ZNG1A: variants seen among roughly 807,000 people sequenced by gnomAD.
ZNG1A encodes the protein Zn regulated GTPase metalloprotein activator 1A.
At chr9:175,866 T>C in the ZNG1A span, 20 of 1,280,784 alleles carry the variant, frequency 1.6e-5, no homozygotes, top group Non-Finnish European at 2.0e-5. Flanking sequence ...CCTAACGTTT[T>C]TGAGAATTTG....
At chr9:133,940 G>A in the ZNG1A span, among the ~76,000 whole-genome samples, 3 of 138,900 alleles carry the variant, frequency 2.2e-5, no homozygotes, top group South Asian at 2.5e-4. Context: ...GACACTGGCC[G>A]CCCCAAACGC....
At chr9:162,641 C>T in the ZNG1A span, among the ~76,000 whole-genome samples, 7 of 149,726 alleles carry the variant, frequency 4.7e-5, no homozygotes, top group South Asian at 1.1e-3. Context: ...AATTAAATTC[C>T]AGTAATAAGT....
At chr9:177,446 TAA>T in the ZNG1A span, among the ~76,000 whole-genome samples, 1 of 151,306 alleles carries the variant, frequency 6.6e-6, no homozygotes, top group African/African-American at 2.4e-5. Context: ...TCAGACATGT[TAA>T]GTTTTAAGTT....
chr9:173,930 G>A, the ZNG1A span, among the ~76,000 whole-genome samples: 6 of 152,096 alleles, frequency 3.9e-5, no homozygotes, highest in South Asian at 6.2e-4. Context: ...GGCGGATCAC[G>A]AGGTCAGGAG....
chr9:139,475 T>C, the ZNG1A span, among the ~76,000 whole-genome samples: 1 of 151,066 alleles, frequency 6.6e-6, no homozygotes, highest in Admixed American at 6.6e-5. Context: ...AATACTGTAT[T>C]GTACACTTAA....
the ZNG1A span, among the ~76,000 whole-genome samples, chr9:173,979 C>G: frequency 6.6e-6 from 1 of 151,994 alleles, no homozygotes; most frequent in Non-Finnish European, 1.5e-5. Flanking sequence ...AACCTCATCT[C>G]TACTAAAATT....
the ZNG1A span, chr9:160,130 C>T: frequency 6.6e-6 from 3 of 454,654 alleles, no homozygotes; most frequent in Admixed American, 2.3e-5. Context: ...TTAAGTTGTC[C>T]AATTCTTTGC....
chr9:172,925 T>C, the ZNG1A span: 2 of 297,938 alleles, frequency 6.7e-6, no homozygotes, highest in South Asian at 6.8e-5. Flanking sequence ...TGATAGTCAT[T>C]TATTTTTTTT....
chr9:157,326 T>C, the ZNG1A span, among the ~76,000 whole-genome samples: 1 of 146,454 alleles, frequency 6.8e-6, no homozygotes, highest in African/African-American at 2.5e-5. Context: ...TTTACATCCC[T>C]AACGTCATCA....
the ZNG1A span, chr9:162,455 C>G: frequency 6.6e-7 from 1 of 1,515,996 alleles, no homozygotes; most frequent in Non-Finnish European, 9.0e-7. Context: ...TTTGAATCCA[C>G]AATAGTTATG....
the ZNG1A span, among the ~76,000 whole-genome samples, chr9:168,812 A>C: frequency 1.3e-5 from 2 of 150,342 alleles, no homozygotes; most frequent in African/African-American, 5.0e-5. Context: ...AGATGACAGC[A>C]CATCTGTTTA....
At chr9:127,160 T>C in the ZNG1A span, among the ~76,000 whole-genome samples, 1 of 152,134 alleles carries the variant, frequency 6.6e-6, no homozygotes, top group Admixed American at 6.5e-5. Context: ...TCTGTGGTTG[T>C]TGGATGGAAT....
chr9:133,965 C>T, the ZNG1A span, among the ~76,000 whole-genome samples: 89 of 118,500 alleles, frequency 7.5e-4, no homozygotes, highest in African/African-American at 2.7e-3. Flanking sequence ...GGAAAGTGAG[C>T]GCTGCGTTTG....
chr9:158,059 G>C, the ZNG1A span, among the ~76,000 whole-genome samples: 1 of 146,590 alleles, frequency 6.8e-6, no homozygotes, highest in Non-Finnish European at 1.5e-5. Context: ...GACCAGTATT[G>C]TATCAAAATT....
At chr9:121,827 G>C in the ZNG1A span, 1 of 1,428,630 alleles carries the variant, frequency 7.0e-7, no homozygotes, top group Non-Finnish European at 9.5e-7. Flanking sequence ...ACGTGATAAA[G>C]ATGAAACATT....
chr9:166,835 A>G, the ZNG1A span: 12 of 152,258 alleles, frequency 7.9e-5, no homozygotes, highest in Non-Finnish European at 1.2e-4. Flanking sequence ...GTAAATGCAA[A>G]GGTAAAAGAC....
chr9:147,357 AT>A, the ZNG1A span: 1 of 84,168 alleles, frequency 1.2e-5, no homozygotes, highest in Non-Finnish European at 2.4e-5. Flanking sequence ...CAGATTCAAG[AT>A]TTTTTTTTCT....
At chr9:137,582 A>G in the ZNG1A span, among the ~76,000 whole-genome samples, 12 of 152,094 alleles carry the variant, frequency 7.9e-5, no homozygotes, top group African/African-American at 2.7e-4. Context: ...GGAACCTTGA[A>G]GTAAAAAGAA....
At chr9:174,014 G>A in the ZNG1A span, among the ~76,000 whole-genome samples, 1 of 151,972 alleles carries the variant, frequency 6.6e-6, no homozygotes, top group Non-Finnish European at 1.5e-5. Flanking sequence ...AGGTGTGGTA[G>A]CGGGTGCCTG....
Sources: allele counts gnomAD v4.1 joint callset (sites outside exome capture counted in the v4.1 genomes callset), GRCh38; gene constraint gnomAD v4.1.1; transcripts MANE v1.5; gene names NCBI Gene and HGNC (gene_info 2026-07-23, HGNC 2026-07-21).